The following RBM44 variants were observed in gnomAD, a reference collection of about 807,000 sequenced individuals.
RBM44 encodes the protein RNA binding motif protein 44.
A neutral mutation model predicts 105.1 loss-of-function variants in RBM44; 66 were observed. The ratio of observed to expected loss-of-function variants is 0.63; its 90% CI spans 0.52 to 0.77. The LOEUF (loss-of-function observed/expected upper bound fraction) is 0.77. Ranked by LOEUF, RBM44 falls within the 30% of genes least tolerant of loss-of-function variation. The probability of loss-of-function intolerance (pLI) is 0.00; values close to 1 mark genes in which losing one functional copy is unlikely to be tolerated. For synonymous variants in RBM44, 365 were observed against 417.6 expected (o/e 0.87, Z 1.54); for missense variants, 1,122 against 1,207.8 (o/e 0.93, Z 1.05).
At chr2:237,820,901 A>C (rs1251660455) in intron 5 of RBM44, 170 bp from the exon 6 acceptor site, 1 of 510,650 alleles carries the variant, frequency 2.0e-6, no homozygotes, top group Non-Finnish European at 3.4e-6. Flanking sequence ...ATTTTTTTAC[A>C]AATTAGCTGG....
rs531264174 is a variant in RBM44, at chr2:237,820,051, T to A, written c.1737-124T>A. ...ATATATTCCTACAGCCTCTTCATCTTTAGTATAAATTGATTTAAACTTGAC... is the reference window on the plus strand; with the variant it reads ...ATATATTCCTACAGCCTCTTCATCTATAGTATAAATTGATTTAAACTTGAC... On this transcript the variant is annotated intron_variant, in intron 4 of 15. Transcript: ENST00000316997. The A allele has an allele frequency of 3.9e-5, 19 of 493,160 alleles. No homozygotes were observed. The South Asian group carries it at 8.2e-4, about 21-fold the overall frequency. 30.5% of individuals were successfully genotyped at this position (493,160 alleles called of 1,614,324 possible). A position where few individuals can be genotyped will look rare whatever the true frequency, so the allele number is the denominator to read the frequency against.
intron 1 of RBM44, among the ~76,000 whole-genome samples, chr2:237,805,425 C>T (rs189108793): frequency 5.4e-4 from 82 of 152,308 alleles, no homozygotes; most frequent in African/African-American, 1.9e-3. Context: ...AATCAATCTA[C>T]AGATTCAACA....
Position 237,820,190 on chromosome 2 carries a change from T to A in RBM44, c.1752T>A (p.Phe584Leu), listed in dbSNP as rs538752019. ...ATTTTTAAAGGGAATTTCAACTTTTTAAAGATACAGAGAAGGATTTGCCAT... is the reference window on the plus strand; with the variant it reads ...ATTTTTAAAGGGAATTTCAACTTTTAAAAGATACAGAGAAGGATTTGCCAT... ...KKHPEREFQL[F>L]KDTEKDLPSM... The change falls in exon 5 of 16, where the codon TTT becomes TTA. Residue 584 changes from phenylalanine to leucine, a missense_variant. This residue lies in a region of RBM44 where 918 missense variants were observed against 955.3 expected (regional missense o/e 0.96). Coordinates refer to ENST00000316997, the MANE Select transcript of RBM44 (RefSeq NM_001080504.3). 1.2e-4 allele frequency: 183 copies of A among 1,525,242 alleles called. No individual in the cohort carries two copies. The highest frequency in any genetic ancestry group is 5.9e-4 in the Admixed American group (26 of 44,066). 94.5% of individuals were successfully genotyped at this position (1,525,242 alleles called of 1,614,324 possible). A position where few individuals can be genotyped will look rare whatever the true frequency, so the allele number is the denominator to read the frequency against.
intron 13 of RBM44, among the ~76,000 whole-genome samples, chr2:237,830,046 T>C (rs894750691): frequency 7.9e-5 from 12 of 152,232 alleles, no homozygotes; most frequent in African/African-American, 2.9e-4. Flanking sequence ...TGCCTATAGC[T>C]TTAGACAAAT....
intron 1 of RBM44, among the ~76,000 whole-genome samples, chr2:237,800,535 G>A (rs934337717): frequency 1.3e-5 from 2 of 152,188 alleles, no homozygotes; most frequent in African/African-American, 4.8e-5. Context: ...TGAGAATCCA[G>A]CTTGAGATAG....
intron 12 of RBM44, 109 bp downstream of exon 12, chr2:237,827,612 C>A: frequency 1.5e-6 from 1 of 669,782 alleles, no homozygotes; most frequent in East Asian, 2.7e-5. Context: ...GTTATTCTCA[C>A]AGGGTTTCAC....
intron 1 of RBM44, among the ~76,000 whole-genome samples, chr2:237,801,104 G>A (rs928312275): frequency 7.2e-5 from 11 of 152,184 alleles, no homozygotes; most frequent in Admixed American, 1.3e-4. Context: ...GAAAGGCTGA[G>A]GTAGGTGGAT....
At chr2:237,807,361 G>A (rs2061609884) in intron 1 of RBM44, among the ~76,000 whole-genome samples, 1 of 152,166 alleles carries the variant, frequency 6.6e-6, no homozygotes, top group African/African-American at 2.4e-5. Flanking sequence ...TGTTGGCCAG[G>A]CTGGTCTCAA....
At position 237,802,424 on chromosome 2, in the gene RBM44, C is replaced by T. The variant is rs533367654; in HGVS notation, c.-19+3563C>T. On this transcript the variant is annotated intron_variant, in intron 1 of 15. Coordinates refer to ENST00000316997, the MANE Select transcript of RBM44 (RefSeq NM_001080504.3). ...ATGATCTGAGGTGGAACAGTTTCAG[C>T]TTGAAGCCACTACCCTACCTCCAAT... Among the ~76,000 whole-genome samples, 71 of 152,282 alleles carry T rather than the reference C, an allele frequency of 4.7e-4. 1 individual carries two copies. In the East Asian group the frequency reaches 0.012, roughly 26 times the overall value.
At position 237,803,122 on chromosome 2, in the gene RBM44, C is replaced by T. The variant is rs543122637; in HGVS notation, c.-19+4261C>T. Among the ~76,000 whole-genome samples, 1 of 152,268 alleles carries T rather than the reference C, an allele frequency of 6.6e-6. No homozygotes were observed. Among genetic ancestry groups the T allele is most frequent in the South Asian group, 2.1e-4 (1 of 4,828 alleles). On this transcript the variant is annotated intron_variant, in intron 1 of 15. Coordinates refer to ENST00000316997, the MANE Select transcript of RBM44 (RefSeq NM_001080504.3). This position sits in a 1 kb window ranked among gnomAD's most constrained non-coding sequence, Gnocchi z 4.2. ...TCTGTACTAAAAATACAAAAATTAG[C>T]TGTGTGTGGTGGTGTGCACCTGTAG...
rs753280227 is a variant in RBM44, at chr2:237,817,917, C to T, written c.998C>T (p.Ser333Phe). ...AAAATTTATACTGAAAACATGAAAT[C>T]TCAAATAAATGAAGGTAAAGATTTT... Reference protein sequence around the residue: ...KMKIYTENMKSQINEGKDFCG... With the variant: ...KMKIYTENMKFQINEGKDFCG... The change falls in exon 3 of 16, where the codon TCT becomes TTT. Residue 333 changes from serine to phenylalanine, a missense_variant. Physicochemically the swap from Ser to Phe is radical, Grantham distance 155. Transcript: ENST00000316997. 1.3e-5 allele frequency: 20 copies of T among 1,597,934 alleles called. No homozygotes were observed. The Admixed American group carries it at 2.5e-4, about 20-fold the overall frequency.
intron 1 of RBM44, among the ~76,000 whole-genome samples, chr2:237,800,108 G>A (rs2150963634): frequency 6.6e-6 from 1 of 152,324 alleles, no homozygotes; most frequent in African/African-American, 2.4e-5. Context: ...GGCAATGGAT[G>A]AAGGTTCTGA....
chr2:237,813,382 T>A (rs13420992), intron 1 of RBM44, among the ~76,000 whole-genome samples: 3,782 of 152,292 alleles, frequency 0.025, 163 homozygotes, highest in African/African-American at 0.086. Flanking sequence ...TCTTGGAAAC[T>A]TTTTATCTAG....
chr2:237,818,312 A>G lies in RBM44; in HGVS notation c.1393A>G (p.Asn465Asp). 1 of 1,613,406 alleles carries G rather than the reference A, an allele frequency of 6.2e-7. No homozygotes were observed. The highest frequency in any genetic ancestry group is 1.1e-5 in the South Asian group (1 of 91,064). The change falls in exon 3 of 16, where the codon AAT becomes GAT. Residue 465 changes from asparagine (N) to aspartate (D), a missense_variant. Physicochemically the swap from Asn to Asp is conservative, Grantham distance 23. Transcript: ENST00000316997. The surrounding 1 kb of genome is among the most constrained non-coding windows in gnomAD (Gnocchi z 4.6). ...TDAASCTVTI[N>D]QTVDVSTDFR... ...TGCAGCAAGTTGTACAGTCACAATT[A>G]ATCAGACAGTGGACGTTAGCACTGA...
intron 1 of RBM44, among the ~76,000 whole-genome samples, chr2:237,812,653 T>C (rs11689226): frequency 0.18 from 27,241 of 152,158 alleles, 2,695 homozygotes; most frequent in East Asian, 0.41. Flanking sequence ...CAGGAACCTT[T>C]GTAACACTTG....
chr2:237,821,599 C>T (rs570671390), intron 7 of RBM44, 144 bp from the exon 8 acceptor site: 764 of 702,132 alleles, frequency 1.1e-3, no homozygotes, highest in Non-Finnish European at 1.6e-3. Context: ...TATCCATCAC[C>T]TTGTGTATTT....
intron 2 of RBM44, among the ~76,000 whole-genome samples, chr2:237,815,311 A>G (rs1038862555): frequency 9.2e-5 from 14 of 152,158 alleles, no homozygotes; most frequent in African/African-American, 3.1e-4. Context: ...CTGGACAGAC[A>G]TTCACATCTG....
chr2:237,840,054 T>C (rs928583873), intron 15 of RBM44, among the ~76,000 whole-genome samples: 5 of 152,042 alleles, frequency 3.3e-5, no homozygotes, highest in African/African-American at 9.7e-5. Flanking sequence ...CCGAGCATGA[T>C]AGCACATACC....
chr2:237,824,200 C>T, intron 9 of RBM44, 91 bp from the exon 10 acceptor site: 2 of 1,232,530 alleles, frequency 1.6e-6, no homozygotes, highest in South Asian at 1.5e-5. Context: ...TAGTAGTCAT[C>T]ATCGTACTGA....
Sources: allele counts gnomAD v4.1 joint callset (sites outside exome capture counted in the v4.1 genomes callset), GRCh38; gene constraint gnomAD v4.1.1; regional missense constraint gnomAD v4.1.1; non-coding constraint Gnocchi (gnomAD v3.1); transcripts MANE v1.5; gene names NCBI Gene and HGNC (gene_info 2026-07-23, HGNC 2026-07-21).